LRP1B: variants seen among roughly 807,000 people sequenced by gnomAD.
LRP1B encodes the protein LDL receptor related protein 1B.
A neutral mutation model predicts 556.6 loss-of-function variants in LRP1B; 217 were observed. The ratio of observed to expected loss-of-function variants is 0.39; its 90% CI spans 0.35 to 0.44. LRP1B has a LOEUF of 0.44. Ranked by LOEUF, LRP1B falls within the 20% of genes least tolerant of loss-of-function variation. The probability of loss-of-function intolerance (pLI) is 1.00; values close to 1 mark genes in which losing one functional copy is unlikely to be tolerated. For missense variants in LRP1B, 5,053 were observed against 5,620.8 expected (o/e 0.90, Z 3.23); for synonymous variants, 2,047 against 1,865.8 (o/e 1.10, Z -2.50).
intron 2 of LRP1B, among the ~76,000 whole-genome samples, chr2:141,598,750 G>A (rs1031071238): frequency 1.3e-5 from 2 of 152,084 alleles, no homozygotes; most frequent in Non-Finnish European, 2.9e-5. Flanking sequence ...ATATAAATAT[G>A]GTTGATTGAT....
chr2:141,866,005 A>G (rs1289563454), intron 1 of LRP1B, among the ~76,000 whole-genome samples: 1 of 152,240 alleles, frequency 6.6e-6, no homozygotes, highest in African/African-American at 2.4e-5. Flanking sequence ...TGCTGTGGAC[A>G]AAGTATGATG....
chr2:141,349,109 G>T (rs2105534774), intron 3 of LRP1B, among the ~76,000 whole-genome samples: 1 of 151,854 alleles, frequency 6.6e-6, no homozygotes, highest in South Asian at 2.1e-4. Context: ...TACATCTATT[G>T]TAAGTAAATC....
At chr2:141,764,033 CTTAAA>C (rs1558859962) in intron 2 of LRP1B, among the ~76,000 whole-genome samples, 2 of 152,090 alleles carry the variant, frequency 1.3e-5, no homozygotes, top group African/African-American at 4.8e-5. Flanking sequence ...GATAAAAGTT[CTTAAA>C]TTAGTGTTCT....
At chr2:141,607,567 A>G (rs748706895) in intron 2 of LRP1B, among the ~76,000 whole-genome samples, 17 of 152,172 alleles carry the variant, frequency 1.1e-4, no homozygotes, top group Admixed American at 6.5e-5. Flanking sequence ...CATTTGCACT[A>G]GTGTCAACAT....
intron 1 of LRP1B, among the ~76,000 whole-genome samples, chr2:142,072,099 G>T (rs1483549417): frequency 6.6e-6 from 1 of 151,886 alleles, no homozygotes; most frequent in African/African-American, 2.4e-5. Flanking sequence ...GATCTACTCT[G>T]ATCTGTAACT....
intron 2 of LRP1B, among the ~76,000 whole-genome samples, chr2:141,548,262 A>C (rs1685622564): frequency 6.6e-6 from 1 of 152,228 alleles, no homozygotes; most frequent in South Asian, 2.1e-4. Context: ...ATCAGTGCTC[A>C]AAAATGTTAG....
At chr2:141,253,841 T>G (rs1878848) in intron 4 of LRP1B, among the ~76,000 whole-genome samples, 38,433 of 147,758 alleles carry the variant, frequency 0.26, 5,926 homozygotes, top group East Asian at 0.58. Context: ...ATATTATAGA[T>G]TAGAAATATT....
chr2:140,711,082 TAAA>T (rs1559069913), intron 37 of LRP1B, among the ~76,000 whole-genome samples: 1 of 152,054 alleles, frequency 6.6e-6, no homozygotes, highest in South Asian at 2.1e-4. Flanking sequence ...ATATCCAGAA[TAAA>T]AGTAGAGAAG....
intron 2 of LRP1B, among the ~76,000 whole-genome samples, chr2:141,800,629 T>A (rs1695978653): frequency 1.3e-5 from 2 of 152,292 alleles, no homozygotes; most frequent in African/African-American, 2.4e-5. Flanking sequence ...CATGTAACCT[T>A]CACAGCACAG....
chr2:140,427,617 C>T (rs1018275422), intron 66 of LRP1B, among the ~76,000 whole-genome samples: 5 of 152,106 alleles, frequency 3.3e-5, no homozygotes, highest in African/African-American at 7.2e-5. Context: ...AATGGGCAAA[C>T]GGTCTGAGGT....
intron 7 of LRP1B, among the ~76,000 whole-genome samples, chr2:141,106,982 T>C (rs1338162040): frequency 2.0e-5 from 3 of 152,002 alleles, no homozygotes; most frequent in African/African-American, 7.2e-5. Flanking sequence ...ATAAACTAAT[T>C]GTTTTTTTTT....
chr2:140,526,533 C>T (rs1179136656), intron 47 of LRP1B, among the ~76,000 whole-genome samples, 183 bp from the exon 48 acceptor site: 2 of 151,200 alleles, frequency 1.3e-5, no homozygotes, highest in Non-Finnish European at 2.9e-5. Flanking sequence ...TATATGTCTT[C>T]CCCTATCACA....
chr2:141,931,349 T>C (rs149302092), intron 1 of LRP1B, among the ~76,000 whole-genome samples: 1 of 151,506 alleles, frequency 6.6e-6, no homozygotes, highest in African/African-American at 2.4e-5. Context: ...ACTGCAAGAG[T>C]TTGGAGAAAT....
chr2:140,477,414 A>T (rs1688018889), intron 59 of LRP1B, among the ~76,000 whole-genome samples: 3 of 152,162 alleles, frequency 2.0e-5, no homozygotes, highest in African/African-American at 7.2e-5. Context: ...TTTCTATAAC[A>T]TTAAAAATAA....
At chr2:140,929,182 T>C (rs1423431203) in intron 20 of LRP1B, among the ~76,000 whole-genome samples, 2 of 152,094 alleles carry the variant, frequency 1.3e-5, no homozygotes, top group Admixed American at 6.6e-5. Flanking sequence ...TTTTTTGCAT[T>C]TGAAAAGATT....
intron 32 of LRP1B, among the ~76,000 whole-genome samples, chr2:140,812,967 C>T (rs1359716904): frequency 6.6e-6 from 1 of 152,062 alleles, no homozygotes; most frequent in African/African-American, 2.4e-5. Context: ...TGCAACCACT[C>T]TTAACATCTT....
chr2:140,584,927 T>A (rs1192655521), intron 43 of LRP1B, among the ~76,000 whole-genome samples: 1 of 152,100 alleles, frequency 6.6e-6, no homozygotes, highest in Non-Finnish European at 1.5e-5. Flanking sequence ...AGAGCATCCT[T>A]TTTATAATTT....
intron 7 of LRP1B, among the ~76,000 whole-genome samples, chr2:141,186,821 G>T (rs1681279740): frequency 6.6e-6 from 1 of 152,084 alleles, no homozygotes; most frequent in Non-Finnish European, 1.5e-5. Flanking sequence ...TGTTCAGAAA[G>T]AGAGATGGTG....
chr2:141,296,067 C>T (rs1686173910), intron 3 of LRP1B, among the ~76,000 whole-genome samples: 1 of 152,014 alleles, frequency 6.6e-6, no homozygotes, highest in South Asian at 2.1e-4. Context: ...TTACTTTGTC[C>T]CAGGTTCTTC....
Sources: allele counts gnomAD v4.1 joint callset (sites outside exome capture counted in the v4.1 genomes callset), GRCh38; gene constraint gnomAD v4.1.1; transcripts MANE v1.5; gene names NCBI Gene and HGNC (gene_info 2026-07-23, HGNC 2026-07-21).